Variants in PRKCE observed in about 807,000 individuals in gnomAD.
PRKCE encodes the protein protein kinase C epsilon type.
A neutral mutation model predicts 85.4 loss-of-function variants in PRKCE; 16 were observed. The observed-to-expected ratio is 0.19, with a 90% CI of 0.13 to 0.28. The LOEUF is 0.28. Among genes scored for constraint, PRKCE ranks in the 10% least tolerant of loss-of-function variants. The pLI is 1.00. For missense variants in PRKCE, 573 were observed against 975.2 expected, an observed-to-expected ratio of 0.59 and a Z score of 5.49; for synonymous variants, 388 against 371.5, an observed-to-expected ratio of 1.04 and a Z score of -0.51.
intron 1 of PRKCE, among the ~76,000 whole-genome samples, chr2:45,744,469 C>CT (rs758790383): frequency 5.1e-4 from 26 of 50,790 alleles, no homozygotes; most frequent in Non-Finnish European, 8.9e-4. Flanking sequence ...TTCTTTCTTT[C>CT]TTTCTTTCTT....
intron 2 of PRKCE, among the ~76,000 whole-genome samples, chr2:45,908,398 G>C (rs1450003666): frequency 6.6e-6 from 1 of 152,208 alleles, no homozygotes. Flanking sequence ...GACCCAGTCT[G>C]CTCCCAAACG....
rs117411131 is a variant in PRKCE, at chr2:45,794,958, C to A, written c.349-48042C>A. Among the ~76,000 whole-genome samples, 4 of 151,778 alleles carry A rather than the reference C, an allele frequency of 2.6e-5. No homozygotes were observed. In the East Asian group the frequency reaches 7.8e-4, roughly 30 times the overall value. ...AATGAGAGCAGAGTGATTCAGACTC[C>A]GCTTCTGCTGTTGTTGGTTTGTTGC... On this transcript the variant is annotated intron_variant, in intron 1 of 14. Transcript: ENST00000306156.
At chr2:45,692,340 C>G (rs1360669386) in intron 1 of PRKCE, among the ~76,000 whole-genome samples, 1 of 152,098 alleles carries the variant, frequency 6.6e-6, no homozygotes, top group Non-Finnish European at 1.5e-5. Context: ...CTTGTCATTT[C>G]CACCTTCTGG....
intron 2 of PRKCE, among the ~76,000 whole-genome samples, chr2:45,910,055 C>T (rs551079473): frequency 6.7e-6 from 1 of 149,878 alleles, no homozygotes; most frequent in East Asian, 2.0e-4. Context: ...CCCCCCCCAG[C>T]CAAGTGCCCA....
At chr2:45,956,001 C>T (rs1057240932) in intron 2 of PRKCE, among the ~76,000 whole-genome samples, 10 of 152,230 alleles carry the variant, frequency 6.6e-5, no homozygotes, top group Admixed American at 4.6e-4. Context: ...GTAACCGCTG[C>T]GGTCTTTTCA....
intron 11 of PRKCE, among the ~76,000 whole-genome samples, chr2:46,094,617 G>C (rs1670501048): frequency 6.6e-6 from 1 of 151,428 alleles, no homozygotes. Flanking sequence ...ACACACACTG[G>C]GGTCTGTCGG....
In PRKCE at chr2:46,184,979, C is replaced by T; in HGVS notation, c.*98C>T. ...CAGCAGGTCTTGAACTACTTCTCCTCCTCGGAGCCCCAGTCCCATGTCCAC... is the reference window on the plus strand; with the variant it reads ...CAGCAGGTCTTGAACTACTTCTCCTTCTCGGAGCCCCAGTCCCATGTCCAC... On this transcript the variant is annotated 3_prime_UTR_variant, in exon 15 of 15. Coordinates refer to ENST00000306156, the MANE Select transcript of PRKCE (RefSeq NM_005400.3). This position sits in a 1 kb window ranked among gnomAD's most constrained non-coding sequence, Gnocchi z 5.0. 1 of 1,464,860 alleles carries T rather than the reference C, an allele frequency of 6.8e-7. No individual in the cohort carries two copies. Among genetic ancestry groups the T allele is most frequent in the Non-Finnish European group, 9.2e-7 (1 of 1,081,308 alleles). 90.7% of individuals were successfully genotyped at this position (1,464,860 alleles called of 1,614,324 possible). A position where few individuals can be genotyped will look rare whatever the true frequency, so the allele number is the denominator to read the frequency against.
chr2:45,995,214 A>G (rs1704119295), intron 6 of PRKCE, among the ~76,000 whole-genome samples: 1 of 152,022 alleles, frequency 6.6e-6, no homozygotes, highest in African/African-American at 2.4e-5. Context: ...TTTTGTAAAT[A>G]CTTTCTCCCA....
intron 1 of PRKCE, among the ~76,000 whole-genome samples, chr2:45,708,183 C>G (rs1027690141): frequency 1.0e-4 from 4 of 38,914 alleles, no homozygotes; most frequent in Non-Finnish European, 1.7e-4. Flanking sequence ...CTGGGCAGAG[C>G]AAGTTGCTAA....
At position 45,786,851 on chromosome 2, in the gene PRKCE, T is replaced by C. The variant is rs1362600257; in HGVS notation, c.349-56149T>C. ...GAGGGTTTAGACAGCTGAAGTAACT[T>C]GCACAAAATCACATGGCAATAGTAG... On this transcript the variant is annotated intron_variant, in intron 1 of 14. Coordinates refer to ENST00000306156, the MANE Select transcript of PRKCE (RefSeq NM_005400.3). This position sits in a 1 kb window ranked among gnomAD's most constrained non-coding sequence, Gnocchi z 5.3. 6.6e-6 allele frequency among the ~76,000 whole-genome samples: 1 copy of C among 152,218 alleles called. No homozygotes were observed. Among genetic ancestry groups the C allele is most frequent in the Non-Finnish European group, 1.5e-5 (1 of 68,028 alleles).
At chr2:45,661,348 A>G (rs963486615) in intron 1 of PRKCE, among the ~76,000 whole-genome samples, 3 of 151,206 alleles carry the variant, frequency 2.0e-5, no homozygotes, top group Non-Finnish European at 4.4e-5. Flanking sequence ...ACACCCGACT[A>G]ATTTCTGTAT....
chr2:46,112,651 C>T (rs1672384304), intron 11 of PRKCE, among the ~76,000 whole-genome samples: 1 of 152,028 alleles, frequency 6.6e-6, no homozygotes, highest in Non-Finnish European at 1.5e-5. Flanking sequence ...CCCCAAGTAG[C>T]TGGGATTACA....
chr2:45,717,943 C>A (rs1401066067), intron 1 of PRKCE, among the ~76,000 whole-genome samples: 9 of 152,142 alleles, frequency 5.9e-5, no homozygotes, highest in African/African-American at 2.2e-4. Context: ...GGAAAGGCTC[C>A]TTTTATATAT....
intron 11 of PRKCE, among the ~76,000 whole-genome samples, chr2:46,090,906 C>T (rs974600695): frequency 1.3e-5 from 2 of 152,146 alleles, no homozygotes; most frequent in African/African-American, 4.8e-5. Flanking sequence ...TTTAGGAGGA[C>T]AAGTGTCATT....
At chr2:45,917,134 A>T (rs1697855788) in intron 2 of PRKCE, among the ~76,000 whole-genome samples, 1 of 152,188 alleles carries the variant, frequency 6.6e-6, no homozygotes, top group South Asian at 2.1e-4. Flanking sequence ...GGTAGAGCCC[A>T]GTGGTCTGTT....
chr2:45,883,477 C>T (rs1231604421), intron 2 of PRKCE, among the ~76,000 whole-genome samples: 2 of 152,202 alleles, frequency 1.3e-5, no homozygotes, highest in African/African-American at 2.4e-5. Context: ...GAGGTGAGTT[C>T]CCCGTCGTGC....
chr2:46,145,611 T>C lies in PRKCE; in HGVS notation c.1731+380T>C, dbSNP rs1450770557. Among the ~76,000 whole-genome samples the C allele has an allele frequency of 6.6e-6, 1 of 152,188 alleles. No homozygotes were observed. The highest frequency in any genetic ancestry group is 1.5e-5 in the Non-Finnish European group (1 of 68,030). ...GGGTGGGCACAGTGACTCACATCTG[T>C]AATCCCAGCACTTTGGGAGGCCAAG... On this transcript the variant is annotated intron_variant, in intron 12 of 14. Transcript: ENST00000306156. The surrounding 1 kb of genome is among the most constrained non-coding windows in gnomAD (Gnocchi z 4.6).
At chr2:45,668,446 G>A (rs1676014628) in intron 1 of PRKCE, among the ~76,000 whole-genome samples, 1 of 152,120 alleles carries the variant, frequency 6.6e-6, no homozygotes, top group Non-Finnish European at 1.5e-5. Flanking sequence ...AATCCATTTG[G>A]TTTATAATTC....
chr2:45,840,697 T>G (rs1691275659), intron 1 of PRKCE: 1 of 152,156 alleles, frequency 6.6e-6, no homozygotes, highest in Non-Finnish European at 1.5e-5. Flanking sequence ...AATGAAATTT[T>G]GAGGGAAACC....
Sources: gnomAD v4.1 joint callset for allele counts (sites outside exome capture counted in the v4.1 genomes callset) on GRCh38, gnomAD v4.1.1 for gene constraint, Gnocchi (gnomAD v3.1) non-coding constraint, MANE v1.5 for transcripts, NCBI Gene and HGNC (gene_info 2026-07-23, HGNC 2026-07-21) for gene names.